Variants in SND1 observed in about 807,000 individuals in gnomAD.
SND1 encodes the protein staphylococcal nuclease and tudor domain containing 1, also known as staphylococcal nuclease domain-containing protein 1.
Under a neutral mutation model 121.7 loss-of-function variants are expected in SND1, and 38 were observed. The ratio of observed to expected loss-of-function variants is 0.31; its 90% confidence interval spans 0.24 to 0.41. The LOEUF is 0.41. Among genes scored for constraint, SND1 ranks in the 10% least tolerant of loss-of-function variants. The pLI, the probability that SND1 is intolerant of heterozygous loss-of-function variation, is 1.00. For synonymous variants in SND1, 401 were observed against 447.4 expected (o/e 0.90, Z 1.31); for missense variants, 868 against 1,184.6 (o/e 0.73, Z 3.92).
At chr7:127,680,604 G>T (rs1167671903) in intron 1 of SND1, among the ~76,000 whole-genome samples, 1 of 151,868 alleles carries the variant, frequency 6.6e-6, no homozygotes, top group Admixed American at 6.6e-5. Context: ...CGGCTCACCG[G>T]CGGTCAGAGT....
At chr7:127,987,229 TGAGCATCAGCA>T (rs1802412752) in intron 15 of SND1, among the ~76,000 whole-genome samples, 4 of 152,254 alleles carry the variant, frequency 2.6e-5, no homozygotes, top group Non-Finnish European at 5.9e-5. Flanking sequence ...CCTGCCCAGC[TGAGCATCAGCA>T]GCCTTGGGTT....
chr7:127,823,695 C>T (rs955416251), intron 11 of SND1, among the ~76,000 whole-genome samples: 1 of 152,138 alleles, frequency 6.6e-6, no homozygotes, highest in Non-Finnish European at 1.5e-5. Context: ...TCAACATTTT[C>T]GAGCTCTGCA....
At chr7:128,035,149 C>A (rs751024928) in intron 16 of SND1, among the ~76,000 whole-genome samples, 1 of 152,220 alleles carries the variant, frequency 6.6e-6, no homozygotes, top group African/African-American at 2.4e-5. Flanking sequence ...GATTGGGATA[C>A]CTGAGTTCTA....
chr7:127,876,231 T>TGTG (rs930426112), intron 12 of SND1, among the ~76,000 whole-genome samples: 4 of 152,054 alleles, frequency 2.6e-5, no homozygotes, highest in African/African-American at 9.7e-5. Context: ...CTGTGGTGGT[T>TGTG]GTGGTGTGTT....
intron 1 of SND1, among the ~76,000 whole-genome samples, chr7:127,664,575 A>T (rs1037629262): frequency 3.3e-5 from 5 of 152,300 alleles, no homozygotes; most frequent in Admixed American, 3.3e-4. Context: ...GTATACTTTT[A>T]TATAAATCTA....
chr7:127,681,271 G>C (rs1185069611), intron 1 of SND1, among the ~76,000 whole-genome samples: 1 of 152,122 alleles, frequency 6.6e-6, no homozygotes, highest in East Asian at 1.9e-4. Context: ...ATCTTTTCAT[G>C]TGCTTTTTGG....
At chr7:128,030,098 G>A (rs532677808) in intron 16 of SND1, 1 of 1,613,796 alleles carries the variant, frequency 6.2e-7, no homozygotes, top group African/African-American at 1.3e-5. Flanking sequence ...CCAGCTTCTT[G>A]AGCTCCCCCA....
intron 15 of SND1, among the ~76,000 whole-genome samples, chr7:127,938,999 A>G (rs1045973632): frequency 6.6e-6 from 1 of 152,236 alleles, no homozygotes; most frequent in East Asian, 1.9e-4. Context: ...ATGTATTGAC[A>G]TGAAGAAAAA....
At chr7:127,695,589 T>C (rs771444949) in intron 3 of SND1, among the ~76,000 whole-genome samples, 1 of 152,162 alleles carries the variant, frequency 6.6e-6, no homozygotes, top group Non-Finnish European at 1.5e-5. Context: ...CCCAGCACTT[T>C]GGGAGTGTGA....
intron 10 of SND1, among the ~76,000 whole-genome samples, chr7:127,743,307 T>C (rs1485259210): frequency 6.6e-6 from 1 of 152,232 alleles, no homozygotes; most frequent in African/African-American, 2.4e-5. Flanking sequence ...GGAACCTCGG[T>C]GTGCAAGGTG....
intron 12 of SND1, among the ~76,000 whole-genome samples, chr7:127,882,281 C>A (rs1799805963): frequency 6.7e-6 from 1 of 148,834 alleles, no homozygotes; most frequent in Admixed American, 6.9e-5. Flanking sequence ...AAAGGAAAAG[C>A]AATTAAGGCA....
intron 2 of SND1, among the ~76,000 whole-genome samples, chr7:127,693,597 C>CA (rs1479837438): frequency 3.9e-5 from 6 of 152,106 alleles, no homozygotes; most frequent in African/African-American, 1.4e-4. Context: ...TAGCATGGAC[C>CA]AAAAAGGTTA....
intron 14 of SND1, among the ~76,000 whole-genome samples, chr7:127,923,525 ATCC>A (rs1800762772): frequency 6.6e-6 from 1 of 152,138 alleles, no homozygotes; most frequent in African/African-American, 2.4e-5. Flanking sequence ...TTCTCAGAGT[ATCC>A]TCCCCCCGCA....
intron 10 of SND1, among the ~76,000 whole-genome samples, chr7:127,778,583 C>T (rs760747865): frequency 6.6e-6 from 1 of 152,174 alleles, no homozygotes; most frequent in Non-Finnish European, 1.5e-5. Context: ...TGTAGTCAGA[C>T]TGACCTGGGT....
In SND1 at chr7:127,998,237, G is replaced by A. The variant is rs572760513; in HGVS notation, c.1779+7181G>A. 1.9e-4 allele frequency: 60 copies of A among 314,792 alleles called. 1 individual carries two copies. Among genetic ancestry groups the A allele is most frequent in the South Asian group, 1.6e-3 (58 of 36,226 alleles). 19.5% of individuals were successfully genotyped at this position (314,792 alleles called of 1,614,324 possible). A position where few individuals can be genotyped will look rare whatever the true frequency, so the allele number is the denominator to read the frequency against. On this transcript the variant is annotated intron_variant, in intron 16 of 23. Transcript: ENST00000354725. ...AAGCTTGGCATTTGTCAGGGTGGGA[G>A]GAAAACTGTTGAAGTATTAAGACTG...
chr7:128,091,182 C>T (rs1793772720), intron 22 of SND1, among the ~76,000 whole-genome samples: 1 of 152,090 alleles, frequency 6.6e-6, no homozygotes, highest in Non-Finnish European at 1.5e-5. Context: ...AAGTGGAATC[C>T]AGGGAGTCAG....
rs1275883951 is a variant in SND1 at position 127,694,917 on chromosome 7, G to A, written c.318G>A (p.Gly106=). 1.9e-6 allele frequency: 3 copies of A among 1,613,894 alleles called. No homozygotes were observed. In the African/African-American group the frequency reaches 4.0e-5, roughly 22 times the overall value. The part of the protein sequence containing the change: ...CFTIENKTPQ[G]REYGMIYLGK... Reference sequence around the variant, plus strand: ...CGATAGAAAACAAGACTCCCCAGGGGCGAGAGTATGGCATGATCTACCTTG... The same window carrying A: ...CGATAGAAAACAAGACTCCCCAGGGACGAGAGTATGGCATGATCTACCTTG... Residue 106 remains glycine (G), a synonymous_variant, in exon 3 of 24, where the codon GGG becomes GGA. Transcript: ENST00000354725.
intron 9 of SND1, 62 bp from the exon 10 acceptor site, chr7:127,721,225 G>T (rs895631700): frequency 2.4e-5 from 27 of 1,128,998 alleles, no homozygotes; most frequent in Non-Finnish European, 3.2e-5. Flanking sequence ...GGTGGGCCTT[G>T]CTCTTGGACA....
At chr7:127,981,283 A>T (rs1459239886) in intron 15 of SND1, among the ~76,000 whole-genome samples, 3 of 152,156 alleles carry the variant, frequency 2.0e-5, no homozygotes, top group Non-Finnish European at 4.4e-5. Flanking sequence ...AAAAAAAAAA[A>T]ATTTTTGAAA....
Sources: gnomAD v4.1 joint callset for allele counts (sites outside exome capture counted in the v4.1 genomes callset) on GRCh38, gnomAD v4.1.1 for gene constraint, MANE v1.5 for transcripts, NCBI Gene and HGNC (gene_info 2026-07-23, HGNC 2026-07-21) for gene names.